Variants in UNC13C observed in about 807,000 individuals in gnomAD.
The protein encoded by UNC13C is unc-13 homolog C.
Under a neutral mutation model 245.4 loss-of-function variants are expected in UNC13C, and 174 were observed. That is an observed-to-expected ratio of 0.71 (90% CI 0.63 to 0.80). The LOEUF is 0.80. UNC13C is among the 30% of genes least tolerant of loss of function. UNC13C has a pLI of 0.00. For missense variants in UNC13C, 2,829 were observed against 2,602.9 expected, an observed-to-expected ratio of 1.09 and a Z score of -1.89; for synonymous variants, 992 against 895.1, an observed-to-expected ratio of 1.11 and a Z score of -1.93.
chr15:54,144,911 G>A (rs999604653), intron 4 of UNC13C, among the ~76,000 whole-genome samples: 1 of 151,750 alleles, frequency 6.6e-6, no homozygotes, highest in Non-Finnish European at 1.5e-5. Context: ...CTTTATATAT[G>A]AATATAGAGA....
intron 1 of UNC13C, among the ~76,000 whole-genome samples, chr15:53,982,805 T>A (rs186101250): frequency 1.3e-5 from 2 of 152,166 alleles, no homozygotes; most frequent in Non-Finnish European, 2.9e-5. Flanking sequence ...TAGATGTTCA[T>A]GAAGATCGCT....
intron 2 of UNC13C, among the ~76,000 whole-genome samples, chr15:54,028,105 T>G (rs1004608647): frequency 6.6e-6 from 1 of 152,220 alleles, no homozygotes; most frequent in African/African-American, 2.4e-5. Flanking sequence ...TAAGTACCAG[T>G]AGTGGTGAAC....
Position 54,143,693 on chromosome 15 carries a change from C to G in UNC13C, c.3071+9C>G. The G allele has an allele frequency of 6.2e-7, 1 of 1,609,166 alleles. No individual in the cohort carries two copies. The highest frequency in any genetic ancestry group is 1.3e-5 in the African/African-American group (1 of 74,932). ...CTCCAGGTGTGTGGTGGGTAAGTAC[C>G]TTCATACCTTTCTAATTTATTCCAT... On this transcript the variant is annotated intron_variant, in intron 4 of 32. Coordinates refer to ENST00000260323, the MANE Select transcript of UNC13C (RefSeq NM_001080534.3).
intron 30 of UNC13C, among the ~76,000 whole-genome samples, chr15:54,591,831 C>CTGGGTT (rs1282274157): frequency 1.3e-5 from 2 of 151,802 alleles, no homozygotes; most frequent in Non-Finnish European, 2.9e-5. Context: ...CTTTCTTCTG[C>CTGGGTT]TGGGTTTGGG....
chr15:54,377,044 T>C (rs951385377), intron 17 of UNC13C, among the ~76,000 whole-genome samples: 12 of 152,090 alleles, frequency 7.9e-5, no homozygotes, highest in Non-Finnish European at 1.6e-4. Flanking sequence ...GAGATCAGTG[T>C]TATGCAGCTA....
intron 13 of UNC13C, among the ~76,000 whole-genome samples, chr15:54,316,426 T>C (rs2038010767): frequency 1.3e-5 from 2 of 151,948 alleles, no homozygotes. Context: ...TATCTCTTAG[T>C]CATTCATTGA....
intron 2 of UNC13C, among the ~76,000 whole-genome samples, chr15:54,056,717 C>T (rs572609747): frequency 0.013 from 1,923 of 152,204 alleles, 35 homozygotes; most frequent in African/African-American, 0.044. Flanking sequence ...AGAGAAAGGT[C>T]GGGTTACCCA....
intron 2 of UNC13C, among the ~76,000 whole-genome samples, chr15:54,103,708 C>A (rs1368070959): frequency 6.6e-6 from 1 of 151,990 alleles, no homozygotes; most frequent in Non-Finnish European, 1.5e-5. Context: ...AGACAACTCT[C>A]AATACTGTTT....
rs55925649 is a variant in UNC13C at position 54,175,508 on chromosome 15, A to ATTTTTTTTTTTTTTTTTTT, written c.3071+31828_3071+31846dup. Among the ~76,000 whole-genome samples the ATTTTTTTTTTTTTTTTTTT allele has an allele frequency of 1.2e-3, 125 of 105,980 alleles. 3 individuals carry two copies. The highest frequency in any genetic ancestry group is 4.7e-3 in the African/African-American group (123 of 26,224). The allele number at this position is 105,980 out of a possible 152,430, so 69.5% of individuals were successfully genotyped here. On this transcript the variant is annotated intron_variant, in intron 4 of 32. Coordinates refer to ENST00000260323, the MANE Select transcript of UNC13C (RefSeq NM_001080534.3). ...AAAACACTGTTGTTGTGGCCCTAGA[A>ATTTTTTTTTTTTTTTTTTT]TTTTTTTTTTTTTTTTTTTTTTGAG...
At chr15:54,297,989 AC>A in intron 12 of UNC13C, 63 bp downstream of exon 12, 1 of 1,162,702 alleles carries the variant, frequency 8.6e-7, no homozygotes, top group South Asian at 1.4e-5. Context: ...GGATTATAAA[AC>A]AGAATATTTG....
At chr15:54,427,698 T>C (rs1269898654) in intron 19 of UNC13C, among the ~76,000 whole-genome samples, 1 of 151,834 alleles carries the variant, frequency 6.6e-6, no homozygotes, top group African/African-American at 2.4e-5. Context: ...AAATACTTTT[T>C]GTGAAAGAAA....
chr15:54,295,719 G>A (rs1290745784), intron 11 of UNC13C, among the ~76,000 whole-genome samples: 1 of 150,922 alleles, frequency 6.6e-6, no homozygotes, highest in Non-Finnish European at 1.5e-5. Flanking sequence ...TTCAGAACTT[G>A]CTGAGGAATT....
At chr15:54,470,122 T>C (rs1362940540) in intron 19 of UNC13C, among the ~76,000 whole-genome samples, 1 of 151,666 alleles carries the variant, frequency 6.6e-6, no homozygotes, top group East Asian at 1.9e-4. Flanking sequence ...TTGATCATGG[T>C]GTTCATTCTT....
intron 23 of UNC13C, among the ~76,000 whole-genome samples, chr15:54,510,876 A>G (rs573167806): frequency 6.6e-6 from 1 of 152,304 alleles, no homozygotes; most frequent in African/African-American, 2.4e-5. Context: ...AAATGATTCT[A>G]TAACTATTAT....
At chr15:54,605,978 TAAG>T (rs149075646) in intron 30 of UNC13C, among the ~76,000 whole-genome samples, 2,170 of 152,292 alleles carry the variant, frequency 0.014, 24 homozygotes, top group Middle Eastern at 0.054. Flanking sequence ...CTGCCTTCTT[TAAG>T]AAGCCAAAGG....
chr15:53,973,351 T>G (rs1893597153), upstream of UNC13C, among the ~76,000 whole-genome samples: 1 of 152,178 alleles, frequency 6.6e-6, no homozygotes, highest in African/African-American at 2.4e-5. Context: ...ATATACTATC[T>G]AAGTTGCTTT....
At chr15:54,577,885 C>T (rs1389394406) in intron 30 of UNC13C, among the ~76,000 whole-genome samples, 1 of 152,154 alleles carries the variant, frequency 6.6e-6, no homozygotes, top group Non-Finnish European at 1.5e-5. Context: ...CATGGCAACT[C>T]CTTCATATGG....
At chr15:53,840,174 A>C in the UNC13C span, among the ~76,000 whole-genome samples, 1 of 152,160 alleles carries the variant, frequency 6.6e-6, no homozygotes, top group East Asian at 1.9e-4. Context: ...ATTATTAAGC[A>C]TAGAGAATTG....
intron 1 of UNC13C, among the ~76,000 whole-genome samples, chr15:53,987,552 G>A (rs1483099802): frequency 7.2e-6 from 1 of 138,388 alleles, no homozygotes; most frequent in Non-Finnish European, 1.6e-5. Flanking sequence ...TGTTGTTGTT[G>A]TTTAATATGC....
Sources: allele counts gnomAD v4.1 joint callset (sites outside exome capture counted in the v4.1 genomes callset), GRCh38; gene constraint gnomAD v4.1.1; transcripts MANE v1.5; gene names NCBI Gene and HGNC (gene_info 2026-07-23, HGNC 2026-07-21).